The following NUP43 variants were observed in gnomAD, a reference collection of about 807,000 sequenced individuals.
NUP43 encodes the protein nucleoporin Nup43.
NUP43 carries 32 observed loss-of-function variants against 47.3 expected under a neutral mutation model. The observed-to-expected ratio is 0.68, with a 90% CI of 0.51 to 0.91. The LOEUF (loss-of-function observed/expected upper bound fraction) is 0.91. Among genes scored for constraint, NUP43 ranks in the 40% least tolerant of loss-of-function variants. The pLI is 0.00. For missense variants in NUP43, 444 were observed against 453.9 expected (o/e 0.98, Z 0.20); for synonymous variants, 147 against 158.4 (o/e 0.93, Z 0.54).
intron 6 of NUP43, among the ~76,000 whole-genome samples, chr6:149,733,198 T>G (rs1181129907): frequency 6.6e-6 from 1 of 152,106 alleles, no homozygotes; most frequent in African/African-American, 2.4e-5. Flanking sequence ...AGAGGCAATA[T>G]CCAATATTGG....
At chr6:149,742,670 CAAG>C in intron 3 of NUP43, 100 bp from the exon 4 acceptor site, 2 of 826,256 alleles carry the variant, frequency 2.4e-6, no homozygotes, top group South Asian at 2.0e-5. Context: ...CACCCTTCTA[CAAG>C]AATAAATCTC....
At chr6:149,728,079 TTCA>T in intron 7 of NUP43, 3 of 985,402 alleles carry the variant, frequency 3.0e-6, no homozygotes, top group Non-Finnish European at 3.6e-6. Context: ...CAACCTCTAC[TTCA>T]TGTTTTTCTC....
intron 7 of NUP43, chr6:149,728,230 A>G (rs1277331789): frequency 3.9e-5 from 38 of 981,730 alleles, no homozygotes; most frequent in Non-Finnish European, 4.4e-5. Context: ...TATATGTTTT[A>G]CTTTTTCACA....
intron 7 of NUP43, among the ~76,000 whole-genome samples, chr6:149,729,179 C>T (rs1045380531): frequency 2.2e-4 from 33 of 152,060 alleles, no homozygotes; most frequent in African/African-American, 7.2e-4. Context: ...TTAGTAGACA[C>T]AGGGTTTCAC....
chr6:149,726,924 A>G lies in NUP43; in HGVS notation c.*45T>C, dbSNP rs1349202771. 1 of 1,477,918 alleles carries G rather than the reference A, an allele frequency of 6.8e-7. No homozygotes were observed. Among genetic ancestry groups the G allele is most frequent in the Admixed American group, 1.8e-5 (1 of 56,656 alleles). The allele number at this position is 1,477,918 out of a possible 1,614,324, so 91.6% of individuals were successfully genotyped here. ...TTTTGCACAGAAGTTGGATTTCAAA[A>G]GGCTAATTGCATGTTCTATCTGAAA... is the stretch of plus-strand genomic sequence containing the variant. On this transcript the variant is annotated 3_prime_UTR_variant, in exon 8 of 8. Coordinates refer to ENST00000340413, the MANE Select transcript of NUP43 (RefSeq NM_198887.3).
intron 3 of NUP43, 148 bp from the exon 4 acceptor site, chr6:149,742,718 T>C (rs191714181): frequency 5.1e-6 from 3 of 593,136 alleles, no homozygotes; most frequent in Non-Finnish European, 8.7e-6. Context: ...ATCTAGAAAC[T>C]ACTGCCATCA....
At chr6:149,741,758 C>A (rs1785669891) in intron 4 of NUP43, among the ~76,000 whole-genome samples, 1 of 152,158 alleles carries the variant, frequency 6.6e-6, no homozygotes. Flanking sequence ...GCCTGCATCA[C>A]CCTCCCAAAG....
chr6:149,727,081 C>A lies in NUP43; in HGVS notation c.1031G>T (p.Ser344Ile). 1.7e-5 allele frequency: 27 copies of A among 1,614,114 alleles called. No homozygotes were observed. Among genetic ancestry groups the A allele is most frequent in the Non-Finnish European group, 2.3e-5 (27 of 1,180,010 alleles). The change falls in exon 8 of 8, where the codon AGC becomes ATC. Residue 344 changes from serine to isoleucine, a missense_variant. Transcript: ENST00000340413. ...DPAKDRIEIT[S>I]LLPSRSLSVN... ...AGACAGAGACCTACTGGGAAGTAAG[C>A]TTGTGATTTCAATTCGGTCTTTTGC...
rs1025505432 is a variant in NUP43, at chr6:149,726,590, T to C, written c.*379A>G. On this transcript the variant is annotated 3_prime_UTR_variant, in exon 8 of 8. Coordinates refer to ENST00000340413, the MANE Select transcript of NUP43 (RefSeq NM_198887.3). ...GGAAGGTGTATATGCCACATACTAC[T>C]GATAAAAATTGTAGGAACCCATTGG... 3 of 249,052 alleles carry C rather than the reference T, an allele frequency of 1.2e-5. No homozygotes were observed. The highest frequency in any genetic ancestry group is 4.5e-5 in the African/African-American group (2 of 44,848). 15.4% of individuals were successfully genotyped at this position (249,052 alleles called of 1,614,324 possible).
intron 2 of NUP43, among the ~76,000 whole-genome samples, chr6:149,744,355 C>G (rs901787125): frequency 6.6e-6 from 1 of 151,702 alleles, no homozygotes; most frequent in Non-Finnish European, 1.5e-5. Context: ...GAAACCTCAT[C>G]TCTACTAAAA....
At chr6:149,735,879 G>A (rs761180880) in intron 6 of NUP43, among the ~76,000 whole-genome samples, 1 of 151,060 alleles carries the variant, frequency 6.6e-6, no homozygotes, top group Non-Finnish European at 1.5e-5. Flanking sequence ...AGGCTGATGC[G>A]GGAGGATCAC....
Position 149,745,922 on chromosome 6 carries a change from G to T in NUP43, c.243+18C>A, listed in dbSNP as rs751884754. 4.5e-5 allele frequency: 72 copies of T among 1,590,334 alleles called. 1 individual carries two copies. In the South Asian group the frequency reaches 8.3e-4, roughly 18 times the overall value. ...TCAGGACTTTCAAAGTTAGCTTTTGGATGCTACACAGATTTACCTGTAAAT... is the reference window on the plus strand; with the variant it reads ...TCAGGACTTTCAAAGTTAGCTTTTGTATGCTACACAGATTTACCTGTAAAT... On this transcript the variant is annotated intron_variant, in intron 2 of 7. Coordinates refer to ENST00000340413, the MANE Select transcript of NUP43 (RefSeq NM_198887.3).
chr6:149,732,706 C>T (rs751012569), intron 6 of NUP43, among the ~76,000 whole-genome samples: 42 of 151,688 alleles, frequency 2.8e-4, no homozygotes, highest in South Asian at 4.2e-4. Flanking sequence ...ATTAGCCCGG[C>T]GTGGTGGCAG....
intron 6 of NUP43, among the ~76,000 whole-genome samples, chr6:149,734,797 C>CAAAAAA (rs529323368): frequency 1.2e-5 from 1 of 85,408 alleles, no homozygotes; most frequent in Non-Finnish European, 2.3e-5. Context: ...GACTCTGTCT[C>CAAAAAA]AAAAAAAAAA....
intron 1 of NUP43, 69 bp downstream of exon 1, chr6:149,746,307 G>C (rs1199639259): frequency 4.4e-6 from 7 of 1,580,440 alleles, no homozygotes; most frequent in Non-Finnish European, 6.0e-6. Context: ...GTTGGCGCGC[G>C]GAAGGCCAGG....
In NUP43 at chr6:149,746,328, A is replaced by T. The variant is rs890795258; in HGVS notation, c.120+48T>A. 8 of 1,603,882 alleles carry T rather than the reference A, an allele frequency of 5.0e-6. No homozygotes were observed. In the African/African-American group the frequency reaches 1.1e-4, roughly 21 times the overall value. On this transcript the variant is annotated intron_variant, in intron 1 of 7. Coordinates refer to ENST00000340413, the MANE Select transcript of NUP43 (RefSeq NM_198887.3). ...GCGCGGAAGGCCAGGGGTCAGCTCA[A>T]CCGGAGAGAGGGAGGAGGTAGGGGC...
At position 149,743,646 on chromosome 6, in the gene NUP43, T is replaced by C. The variant is rs1417680713; in HGVS notation, c.313A>G (p.Asn105Asp). 1.2e-6 allele frequency: 2 copies of C among 1,600,316 alleles called. No individual in the cohort carries two copies. Among genetic ancestry groups the C allele is most frequent in the East Asian group, 4.5e-5 (2 of 44,816 alleles). The change falls in exon 3 of 8, where the codon AAT (asparagine) becomes GAT (aspartate). Residue 105 changes from asparagine (N) to aspartate (D), a missense_variant. By Grantham distance (23) the Asn-to-Asp change is conservative (BLOSUM62 1). Transcript: ENST00000340413. ...AAACTAAAGTTCTTTACCTGGTTAT[T>C]TGGATGGTGAAGGAAAACTGTTACA... Reference protein sequence around the residue: ...GCVTVFLHHPNNQTLSVNQQW... With the variant: ...GCVTVFLHHPDNQTLSVNQQW...
In NUP43 at chr6:149,729,582, T is replaced by A. The variant is rs1784933708; in HGVS notation, c.913+2031A>T. ...AAGTAGCAGGGGTACTAACAATTAC[T>A]ATTTCTGGGTTTTCCCTTTTCTTCC... On this transcript the variant is annotated intron_variant, in intron 7 of 7. Coordinates refer to ENST00000340413, the MANE Select transcript of NUP43 (RefSeq NM_198887.3). 5.2e-6 allele frequency: 5 copies of A among 954,678 alleles called. No homozygotes were observed. In the South Asian group the frequency reaches 1.5e-4, roughly 28 times the overall value. 59.1% of individuals were successfully genotyped at this position (954,678 alleles called of 1,614,324 possible).
chr6:149,735,396 C>T (rs150557961), intron 6 of NUP43, among the ~76,000 whole-genome samples: 1 of 151,838 alleles, frequency 6.6e-6, no homozygotes, highest in Non-Finnish European at 1.5e-5. Flanking sequence ...TCTGTCAATG[C>T]GCTATGCAAA....
Sources: gnomAD v4.1 joint callset for allele counts (sites outside exome capture counted in the v4.1 genomes callset) on GRCh38, gnomAD v4.1.1 for gene constraint, MANE v1.5 for transcripts, NCBI Gene and HGNC (gene_info 2026-07-23, HGNC 2026-07-21) for gene names.